Variants in SFSWAP observed in about 807,000 individuals in gnomAD.
SFSWAP encodes the protein splicing factor, suppressor of white-apricot homolog.
Under a neutral mutation model 100.7 loss-of-function variants are expected in SFSWAP, and 17 were observed. That is an observed-to-expected ratio of 0.17 (90% CI 0.12 to 0.25). SFSWAP has a LOEUF of 0.25. Ranked by LOEUF, SFSWAP falls within the 10% of genes least tolerant of loss-of-function variation. The probability of loss-of-function intolerance (pLI) is 1.00; values close to 1 mark genes in which losing one functional copy is unlikely to be tolerated. For synonymous variants in SFSWAP, 504 were observed against 510.1 expected, an observed-to-expected ratio of 0.99 and a Z score of 0.16; for missense variants, 1,005 against 1,262.6, an observed-to-expected ratio of 0.80 and a Z score of 3.09.
chr12:131,728,602 G>A (rs888163639), intron 7 of SFSWAP, among the ~76,000 whole-genome samples, 174 bp downstream of exon 7: 13 of 152,180 alleles, frequency 8.5e-5, no homozygotes, highest in Non-Finnish European at 1.6e-4. Flanking sequence ...CCTTTGCTTG[G>A]CCCAGTGTTG....
intron 12 of SFSWAP, among the ~76,000 whole-genome samples, chr12:131,765,521 G>T (rs578247388): frequency 1.3e-5 from 2 of 152,224 alleles, no homozygotes; most frequent in Non-Finnish European, 2.9e-5. Context: ...GGTGGCACAC[G>T]CCTGTAATCC....
At chr12:131,761,961 G>C (rs1882711159) in intron 11 of SFSWAP, among the ~76,000 whole-genome samples, 1 of 152,168 alleles carries the variant, frequency 6.6e-6, no homozygotes, top group South Asian at 2.1e-4. Context: ...TGTTTGGTTT[G>C]CATAGATACT....
chr12:131,749,020 G>T (rs201456466), intron 7 of SFSWAP, among the ~76,000 whole-genome samples: 1 of 152,360 alleles, frequency 6.6e-6, no homozygotes, highest in South Asian at 2.1e-4. Context: ...TCAACTCGAT[G>T]ATGGTGCACA....
chr12:131,773,501 C>T (rs1190858396), intron 13 of SFSWAP, among the ~76,000 whole-genome samples: 1 of 152,108 alleles, frequency 6.6e-6, no homozygotes, highest in Non-Finnish European at 1.5e-5. Flanking sequence ...CCACCATGCC[C>T]AGCTAAATTT....
intron 15 of SFSWAP, among the ~76,000 whole-genome samples, 163 bp downstream of exon 15, chr12:131,786,751 TTGACACTTGATCACAC>T (rs1251421206): frequency 1.3e-5 from 2 of 151,980 alleles, no homozygotes; most frequent in East Asian, 3.9e-4. Flanking sequence ...GCCATCACTG[TTGACACTTGATCACAC>T]TGAGCTCCTG....
chr12:131,751,148 C>T (rs939411407), intron 7 of SFSWAP, among the ~76,000 whole-genome samples: 1 of 152,150 alleles, frequency 6.6e-6, no homozygotes, highest in African/African-American at 2.4e-5. Flanking sequence ...AGGAATGGCG[C>T]TCAGCTTTGA....
At position 131,719,444 on chromosome 12, in the gene SFSWAP, T is replaced by C. The variant is rs749688065; in HGVS notation, c.521-10T>C. 11 of 1,612,548 alleles carry C rather than the reference T, an allele frequency of 6.8e-6. No individual in the cohort carries two copies. The highest frequency in any genetic ancestry group is 9.3e-6 in the Non-Finnish European group (11 of 1,178,716). ...ATTGTTCTGAATTTTTTAATTTTCT[T>C]TTTATGCAGAAAAAAATGAGGCCGA... On this transcript the variant is annotated splice_polypyrimidine_tract_variant and intron_variant, in intron 3 of 17. Coordinates refer to ENST00000261674, the MANE Select transcript of SFSWAP (RefSeq NM_004592.4).
chr12:131,741,736 C>T (rs566334802), intron 7 of SFSWAP, among the ~76,000 whole-genome samples: 3 of 151,992 alleles, frequency 2.0e-5, no homozygotes, highest in Non-Finnish European at 2.9e-5. Flanking sequence ...CAGCCTCCCC[C>T]TCTGTTGCAT....
intron 6 of SFSWAP, 99 bp downstream of exon 6, chr12:131,727,151 G>A (rs1879052091): frequency 2.8e-6 from 2 of 716,592 alleles, no homozygotes; most frequent in African/African-American, 3.6e-5. Context: ...GTGTGTTACA[G>A]TTGTATCTTA....
intron 14 of SFSWAP, among the ~76,000 whole-genome samples, chr12:131,781,843 A>G (rs1249183847): frequency 6.6e-6 from 1 of 152,238 alleles, no homozygotes. Context: ...TGCAACTGAG[A>G]CAAAATATGA....
chr12:131,770,192 C>T (rs1310522894), intron 13 of SFSWAP, among the ~76,000 whole-genome samples: 2 of 152,216 alleles, frequency 1.3e-5, no homozygotes, highest in Admixed American at 6.5e-5. Context: ...CTAGCATCTG[C>T]TTTACTCGCT....
chr12:131,785,423 A>C (rs1884822912), intron 14 of SFSWAP: 1 of 484,032 alleles, frequency 2.1e-6, no homozygotes. Flanking sequence ...AAATGATTCA[A>C]CGTAGAACTT....
chr12:131,771,084 G>A (rs1883556504), intron 13 of SFSWAP, among the ~76,000 whole-genome samples: 1 of 152,158 alleles, frequency 6.6e-6, no homozygotes, highest in South Asian at 2.1e-4. Flanking sequence ...GAACACTTTG[G>A]GAGGCCAAGT....
rs957328865 is a variant in SFSWAP, at chr12:131,730,626, C to T, written c.1081+2198C>T. ...GCTTGGTACATTCCCAAGGGTTCAC[C>T]GCAGGGCGGCCAGAGCCCACACACT... On this transcript the variant is annotated intron_variant, in intron 7 of 17. Coordinates refer to ENST00000261674, the MANE Select transcript of SFSWAP (RefSeq NM_004592.4). This position sits in a 1 kb window ranked among gnomAD's most constrained non-coding sequence, Gnocchi z 4.0. Among the ~76,000 whole-genome samples, 2 of 152,124 alleles carry T rather than the reference C, an allele frequency of 1.3e-5. No individual in the cohort carries two copies. The highest frequency in any genetic ancestry group is 2.4e-5 in the African/African-American group (1 of 41,424).
Position 131,726,904 on chromosome 12 carries a change from A to G in SFSWAP, c.833-36A>G, listed in dbSNP as rs1879031462. ...ATTAATTTGTACTTTTTTTCTCACC[A>G]AACACCAAAATCTTGAAATGTGATT... On this transcript the variant is annotated intron_variant, in intron 5 of 17. Transcript: ENST00000261674. 2.3e-6 allele frequency: 3 copies of G among 1,320,160 alleles called. No individual in the cohort carries two copies. The East Asian group carries it at 7.0e-5, about 31-fold the overall frequency. 81.8% of individuals were successfully genotyped at this position (1,320,160 alleles called of 1,614,324 possible). A position where few individuals can be genotyped will look rare whatever the true frequency, so the allele number is the denominator to read the frequency against.
chr12:131,767,837 T>TGGAG (rs941647057), intron 13 of SFSWAP, among the ~76,000 whole-genome samples: 2 of 151,234 alleles, frequency 1.3e-5, no homozygotes, highest in Non-Finnish European at 3.0e-5. Flanking sequence ...TCATTGAGGG[T>TGGAG]GGAGGGAGGG....
intron 7 of SFSWAP, among the ~76,000 whole-genome samples, chr12:131,739,416 G>C (rs181783461): frequency 3.3e-5 from 5 of 151,804 alleles, no homozygotes; most frequent in African/African-American, 1.2e-4. Context: ...ATATATTTAA[G>C]AGTGAGTAGG....
chr12:131,753,147 G>T lies in SFSWAP; in HGVS notation c.1106G>T (p.Ser369Ile). 1 of 1,614,016 alleles carries T rather than the reference G, an allele frequency of 6.2e-7. No individual in the cohort carries two copies. Among genetic ancestry groups the T allele is most frequent in the Admixed American group, 1.7e-5 (1 of 60,030 alleles). ...ADSTVAAMYY[S>I]YYMLPDGTYC... ...GCGACCGTGGCAGCCATGTATTACAGCTACTACATGCTACCGGACGGCACT... is the reference window on the plus strand; with the variant it reads ...GCGACCGTGGCAGCCATGTATTACATCTACTACATGCTACCGGACGGCACT... Residue 369 changes from serine (S) to isoleucine (I), a missense_variant, in exon 8 of 18, where the codon AGC (serine) becomes ATC (isoleucine). By Grantham distance (142) the Ser-to-Ile change is moderately radical. Around this residue, in one of 7 missense-constraint regions of SFSWAP, gnomAD observed 311 missense variants for 317.8 expected, o/e 0.98. Coordinates refer to ENST00000261674, the MANE Select transcript of SFSWAP (RefSeq NM_004592.4).
Position 131,734,880 on chromosome 12 carries a change from C to G in SFSWAP, c.1081+6452C>G, listed in dbSNP as rs902164326. Among the ~76,000 whole-genome samples the G allele has an allele frequency of 1.3e-5, 2 of 151,690 alleles. No homozygotes were observed. Among genetic ancestry groups the G allele is most frequent in the Admixed American group, 1.3e-4 (2 of 15,236 alleles). On this transcript the variant is annotated intron_variant, in intron 7 of 17. Coordinates refer to ENST00000261674, the MANE Select transcript of SFSWAP (RefSeq NM_004592.4). This position sits in a 1 kb window ranked among gnomAD's most constrained non-coding sequence, Gnocchi z 4.9. Reference sequence around the variant, plus strand: ...GCTGCTGCTGCTGCAGCCGCAGATACCATCTCAGCCGGCATGGCGCATGGG... The same window carrying G: ...GCTGCTGCTGCTGCAGCCGCAGATAGCATCTCAGCCGGCATGGCGCATGGG...
Sources: gnomAD v4.1 joint callset for allele counts (sites outside exome capture counted in the v4.1 genomes callset) on GRCh38, gnomAD v4.1.1 for gene constraint, gnomAD v4.1.1 regional missense constraint, Gnocchi (gnomAD v3.1) non-coding constraint, MANE v1.5 for transcripts, NCBI Gene and HGNC (gene_info 2026-07-23, HGNC 2026-07-21) for gene names.